The following MACF1 variants were observed in gnomAD, a reference collection of about 807,000 sequenced individuals.
The protein encoded by MACF1 is microtubule-actin cross-linking factor 1.
In MACF1, 193 loss-of-function variants were observed where a neutral mutation model predicts 854.8. The observed-to-expected ratio is 0.23, with a 90% CI of 0.20 to 0.25. The LOEUF is 0.25. Among genes scored for constraint, MACF1 ranks in the 10% least tolerant of loss-of-function variants. MACF1 has a pLI of 1.00. For synonymous variants in MACF1, 3,185 were observed against 3,226.7 expected, an observed-to-expected ratio of 0.99 and a Z score of 0.44; for missense variants, 7,722 against 8,929.1, an observed-to-expected ratio of 0.86 and a Z score of 5.45.
At chr1:39,327,829 C>G (rs1269863149) in intron 36 of MACF1, among the ~76,000 whole-genome samples, 1 of 152,144 alleles carries the variant, frequency 6.6e-6, no homozygotes, top group African/African-American at 2.4e-5. Flanking sequence ...ACGCTGGTTC[C>G]CCTCACCCAT....
intron 43 of MACF1, among the ~76,000 whole-genome samples, chr1:39,351,749 G>A (rs569877274): frequency 2.7e-4 from 41 of 151,904 alleles, no homozygotes; most frequent in Non-Finnish European, 5.6e-4. Context: ...ACCACACCCA[G>A]CTAATTTTTG....
chr1:39,459,193 C>G lies in MACF1; in HGVS notation c.21304C>G (p.Leu7102Val). The change falls in exon 91 of 101, where the codon CTG becomes GTG. Residue 7102 changes from leucine (L) to valine (V), a missense_variant. This residue lies in a region of MACF1 where 729 missense variants were observed against 900.5 expected (regional missense o/e 0.81). Coordinates refer to ENST00000564288, the MANE Select transcript of MACF1 (RefSeq NM_001394062.1). ...QLSARWQQVW[L>V]LALERQRKLN... is the part of the protein sequence containing the mutation. ...TTCTGCCCGCTGGCAGCAGGTGTGG[C>G]TGTTAGCACTGGAGCGGCAAAGGAA... 1 of 1,614,142 alleles carries G rather than the reference C, an allele frequency of 6.2e-7. No homozygotes were observed. The highest frequency in any genetic ancestry group is 8.5e-7 in the Non-Finnish European group (1 of 1,180,010).
chr1:39,449,314 G>A (rs763293240), intron 84 of MACF1, among the ~76,000 whole-genome samples: 1 of 152,186 alleles, frequency 6.6e-6, no homozygotes. Context: ...AACCATGGCA[G>A]TTTGGTTCTA....
At chr1:39,372,677 A>C in intron 52 of MACF1, 81 bp downstream of exon 52, 1 of 922,630 alleles carries the variant, frequency 1.1e-6, no homozygotes, top group Non-Finnish European at 1.8e-6. Flanking sequence ...TTATATAATT[A>C]AAGTGAAAAT....
Position 39,257,932 on chromosome 1 carries a change from T to G in MACF1, c.436-4T>G. ...TCTGAGCCGTGCTTTTATTTCTTTT[T>G]CAGGTGAAACTAGTGAATATTCGCA... On this transcript the variant is annotated splice_polypyrimidine_tract_variant and splice_region_variant and intron_variant, in intron 5 of 100. Transcript: ENST00000564288. 6.2e-7 allele frequency: 1 copy of G among 1,610,398 alleles called. No individual in the cohort carries two copies. The highest frequency in any genetic ancestry group is 8.5e-7 in the Non-Finnish European group (1 of 1,176,866).
chr1:39,201,529 T>C (rs1271225046), upstream of MACF1, among the ~76,000 whole-genome samples: 1 of 152,034 alleles, frequency 6.6e-6, no homozygotes, highest in East Asian at 1.9e-4. Flanking sequence ...ATTTTTAGTA[T>C]TTTTAGTAGA....
chr1:39,171,750 C>T (rs560638257), intron 2 of MACF1, among the ~76,000 whole-genome samples: 17 of 152,232 alleles, frequency 1.1e-4, no homozygotes, highest in Admixed American at 2.6e-4. Context: ...CTCAGCTTCC[C>T]GAGTAGCTGG....
intron 95 of MACF1, 118 bp downstream of exon 95, chr1:39,465,230 T>G: frequency 9.9e-7 from 1 of 1,007,450 alleles, no homozygotes; most frequent in Non-Finnish European, 1.6e-6. Flanking sequence ...TCGCACCTGG[T>G]TGTCTTACCA....
chr1:39,131,151 CTTTTTTTTTTT>C lies in MACF1; in HGVS notation c.220+46731_220+46741del, dbSNP rs34762038. Among the ~76,000 whole-genome samples, 14 of 42,384 alleles carry C rather than the reference CTTTTTTTTTTT, an allele frequency of 3.3e-4. No homozygotes were observed. In the Admixed American group the frequency reaches 4.4e-3, roughly 13 times the overall value. The allele number at this position is 42,384 out of a possible 152,430, so 27.8% of individuals were successfully genotyped here. A position where few individuals can be genotyped will look rare whatever the true frequency, so the allele number is the denominator to read the frequency against. ...ACAGGTGTGAGCCACTGCGCCCGGC[CTTTTTTTTTTT>C]TTTTTTTTTTTTTTTTTAAGAGACA... is the stretch of plus-strand genomic sequence containing the variant. On this transcript the variant is annotated intron_variant, in intron 2 of 93. Transcript: ENST00000361689.
At chr1:39,103,377 G>A in intron 2 of MACF1, 1 of 210,386 alleles carries the variant, frequency 4.8e-6, no homozygotes, top group South Asian at 7.7e-5. Context: ...CTGTGTGGGG[G>A]TGAGATGTCT....
chr1:39,329,133 A>G (rs1319147405), intron 36 of MACF1, among the ~76,000 whole-genome samples: 3 of 152,194 alleles, frequency 2.0e-5, no homozygotes, highest in African/African-American at 7.2e-5. Context: ...TGTATAATAT[A>G]TATGTTTAAA....
chr1:39,376,439 G>A (rs527386732), intron 52 of MACF1, among the ~76,000 whole-genome samples: 5 of 152,044 alleles, frequency 3.3e-5, no homozygotes, highest in South Asian at 2.1e-4. Context: ...ATATACATTC[G>A]CTCATGATCT....
At chr1:39,323,227 A>G (rs1399521064) in intron 33 of MACF1, among the ~76,000 whole-genome samples, 1 of 152,108 alleles carries the variant, frequency 6.6e-6, no homozygotes, top group African/African-American at 2.4e-5. Context: ...CTGTGGTCCC[A>G]GTTACTTGGG....
intron 2 of MACF1, among the ~76,000 whole-genome samples, chr1:39,247,987 A>G (rs1216412071): frequency 6.6e-6 from 1 of 152,150 alleles, no homozygotes; most frequent in Non-Finnish European, 1.5e-5. Flanking sequence ...GTGCCACTGC[A>G]CTCCAGCCTA....
intron 3 of MACF1, 58 bp from the exon 4 acceptor site, chr1:39,251,788 T>C: frequency 9.9e-7 from 1 of 1,015,110 alleles, no homozygotes; most frequent in Non-Finnish European, 1.3e-6. Flanking sequence ...CCTTTCCATC[T>C]TTTTATTGTG....
At chr1:39,120,032 C>T (rs552622509) in intron 2 of MACF1, among the ~76,000 whole-genome samples, 108 of 151,856 alleles carry the variant, frequency 7.1e-4, no homozygotes, top group African/African-American at 2.4e-3. Context: ...TACAGACATG[C>T]GGCACCACGC....
rs1290207394 is a variant in MACF1 at position 39,205,019 on chromosome 1, G to A, written c.-4G>A. 2.8e-6 allele frequency: 2 copies of A among 702,950 alleles called. No individual in the cohort carries two copies. Among genetic ancestry groups the A allele is most frequent in the South Asian group, 3.0e-5 (2 of 67,596 alleles). The allele number at this position is 702,950 out of a possible 1,614,324, so 43.5% of individuals were successfully genotyped here. A position where few individuals can be genotyped will look rare whatever the true frequency, so the allele number is the denominator to read the frequency against. ...TCAAGGGAGGAGAAAGGACGGGCCT[G>A]GAAATGCCCCTCTTAGATTCATCTT... On this transcript the variant is annotated 5_prime_UTR_variant, in exon 1 of 101. Coordinates refer to ENST00000564288, the MANE Select transcript of MACF1 (RefSeq NM_001394062.1).
chr1:39,138,211 C>T (rs573059935), intron 2 of MACF1, among the ~76,000 whole-genome samples: 8 of 151,254 alleles, frequency 5.3e-5, no homozygotes, highest in South Asian at 2.1e-4. Context: ...ACAAAAACAA[C>T]GAATCAAAAC....
chr1:39,302,979 A>T lies in MACF1; in HGVS notation c.2690A>T (p.Lys897Ile). The T allele has an allele frequency of 6.2e-7, 1 of 1,614,194 alleles. No homozygotes were observed. The highest frequency in any genetic ancestry group is 8.5e-7 in the Non-Finnish European group (1 of 1,180,018). ...CTAGAAGATAATTCTCAGCGGACCA[A>T]ATGGAAAGTGATCAGCCCCACAGGG... is the stretch of plus-strand genomic sequence containing the variant. ...CVLEDNSQRTKWKVISPTGNE... is the reference protein window; with the variant it reads ...CVLEDNSQRTIWKVISPTGNE... Residue 897 changes from lysine to isoleucine, a missense_variant, in exon 23 of 101, where the codon AAA becomes ATA. This residue lies in a region of MACF1 where 1,137 missense variants were observed against 1,263.0 expected (regional missense o/e 0.90). Transcript: ENST00000564288.
Sources: allele counts gnomAD v4.1 joint callset (sites outside exome capture counted in the v4.1 genomes callset), GRCh38; gene constraint gnomAD v4.1.1; regional missense constraint gnomAD v4.1.1; transcripts MANE v1.5; gene names NCBI Gene and HGNC (gene_info 2026-07-23, HGNC 2026-07-21).